The following NRG1 variants were observed in gnomAD, a reference collection of about 807,000 sequenced individuals.
The protein encoded by NRG1 is neuregulin 1, also known as pro-neuregulin-1, membrane-bound isoform.
In NRG1, 18 loss-of-function variants were observed where a neutral mutation model predicts 63.8. The observed-to-expected ratio is 0.28, with a 90% CI of 0.19 to 0.42. NRG1 has a LOEUF of 0.42. NRG1 is among the 10% of genes least tolerant of loss of function. NRG1 has a pLI of 1.00. For missense variants in NRG1, 762 were observed against 814.7 expected (o/e 0.94, Z 0.79); for synonymous variants, 302 against 301.3 (o/e 1.00, Z -0.02).
At chr8:32,205,733 T>A (rs573780015) in intron 1 of NRG1, among the ~76,000 whole-genome samples, 1 of 152,030 alleles carries the variant, frequency 6.6e-6, no homozygotes, top group African/African-American at 2.4e-5. Flanking sequence ...CCTGGGAGGG[T>A]AAGCATTTTC....
At chr8:32,036,160 A>G (rs1464360215) in intron 1 of NRG1, among the ~76,000 whole-genome samples, 1 of 152,152 alleles carries the variant, frequency 6.6e-6, no homozygotes, top group Non-Finnish European at 1.5e-5. Flanking sequence ...TGCTTATCTG[A>G]AAAGGATTTT....
chr8:32,509,000 G>A (rs2129499606), intron 1 of NRG1, among the ~76,000 whole-genome samples: 1 of 151,968 alleles, frequency 6.6e-6, no homozygotes, highest in South Asian at 2.1e-4. Flanking sequence ...CTCCCAAAGT[G>A]CTGGGATCAC....
At chr8:32,624,689 C>T (rs1848901747) in intron 5 of NRG1, among the ~76,000 whole-genome samples, 1 of 151,904 alleles carries the variant, frequency 6.6e-6, no homozygotes, top group Non-Finnish European at 1.5e-5. Context: ...TTAACAGTGC[C>T]CTCTTTTTAA....
chr8:32,197,208 C>T (rs568183478), intron 1 of NRG1, among the ~76,000 whole-genome samples: 85 of 151,914 alleles, frequency 5.6e-4, no homozygotes, highest in African/African-American at 1.3e-3. Context: ...GTGATCTGCC[C>T]GCCTCGGCCT....
At chr8:32,608,160 G>T (rs1845678043) in intron 3 of NRG1, among the ~76,000 whole-genome samples, 1 of 118,462 alleles carries the variant, frequency 8.4e-6, no homozygotes, top group Non-Finnish European at 1.7e-5. Context: ...ATCTGTATCT[G>T]AAATGTTTTT....
chr8:31,733,881 G>A (rs756283122), intron 1 of NRG1, among the ~76,000 whole-genome samples: 11 of 152,178 alleles, frequency 7.2e-5, no homozygotes, highest in Non-Finnish European at 1.3e-4. Context: ...CATTCCGAAA[G>A]ATATAAATTT....
At chr8:32,207,471 A>C (rs1304561320) in intron 1 of NRG1, among the ~76,000 whole-genome samples, 1 of 152,138 alleles carries the variant, frequency 6.6e-6, no homozygotes, top group Non-Finnish European at 1.5e-5. Flanking sequence ...TGCATAAAGG[A>C]TGACTTCCAT....
intron 5 of NRG1, among the ~76,000 whole-genome samples, chr8:32,694,349 T>G (rs544535999): frequency 1.3e-4 from 20 of 152,302 alleles, no homozygotes; most frequent in African/African-American, 4.3e-4. Context: ...CCAATTTAAG[T>G]GTGTTTTCCT....
intron 1 of NRG1, among the ~76,000 whole-genome samples, chr8:32,000,200 A>C (rs2129639559): frequency 6.6e-6 from 1 of 152,100 alleles, no homozygotes; most frequent in Non-Finnish European, 1.5e-5. Context: ...GTAATGATGT[A>C]GTGGTCTGGG....
intron 1 of NRG1, among the ~76,000 whole-genome samples, chr8:31,740,810 A>G (rs761459617): frequency 6.6e-6 from 1 of 152,008 alleles, no homozygotes; most frequent in Non-Finnish European, 1.5e-5. Flanking sequence ...AGTTAAGACA[A>G]GAACTCTGGG....
chr8:31,954,939 A>G (rs931174706), intron 1 of NRG1, among the ~76,000 whole-genome samples: 2 of 152,154 alleles, frequency 1.3e-5, no homozygotes, highest in African/African-American at 2.4e-5. Context: ...GAGGTTCTTT[A>G]TACTAAAGGA....
chr8:32,640,274 C>CACACACAT (rs1491127735), intron 5 of NRG1, among the ~76,000 whole-genome samples: 1 of 149,420 alleles, frequency 6.7e-6, no homozygotes, highest in East Asian at 2.0e-4. Flanking sequence ...CACACACACA[C>CACACACAT]GCACGCACAC....
chr8:31,746,403 G>A (rs950275927), intron 1 of NRG1, among the ~76,000 whole-genome samples: 2 of 151,958 alleles, frequency 1.3e-5, no homozygotes, highest in Non-Finnish European at 2.9e-5. Flanking sequence ...ATTAGACGAC[G>A]TTTTTCATCA....
chr8:32,559,137 A>AC (rs1436068823), intron 1 of NRG1, among the ~76,000 whole-genome samples: 1 of 147,834 alleles, frequency 6.8e-6, no homozygotes, highest in Admixed American at 6.9e-5. Context: ...CAATTTATTC[A>AC]CCCCCCAAAT....
At chr8:32,728,660 T>G (rs1295200940) in intron 6 of NRG1, 2 of 984,670 alleles carry the variant, frequency 2.0e-6, no homozygotes, top group Non-Finnish European at 1.2e-6. Context: ...GGAAATACAT[T>G]GTATGTAGCA....
At chr8:32,334,293 G>C (rs1802994153) in intron 1 of NRG1, among the ~76,000 whole-genome samples, 1 of 152,124 alleles carries the variant, frequency 6.6e-6, no homozygotes. Context: ...CATGAAAACT[G>C]TCTACTTATC....
At chr8:32,291,694 C>G (rs1586655646) in intron 1 of NRG1, among the ~76,000 whole-genome samples, 1 of 151,982 alleles carries the variant, frequency 6.6e-6, no homozygotes, top group Non-Finnish European at 1.5e-5. Flanking sequence ...AGGTGCACAC[C>G]ACCACTCCCG....
chr8:32,536,738 C>T (rs544348922), intron 1 of NRG1, among the ~76,000 whole-genome samples: 91 of 151,324 alleles, frequency 6.0e-4, no homozygotes, highest in African/African-American at 2.1e-3. Flanking sequence ...CTGGCTAACA[C>T]GGTGAAACCC....
At chr8:32,552,880 C>T (rs1834412631) in intron 1 of NRG1, among the ~76,000 whole-genome samples, 1 of 152,116 alleles carries the variant, frequency 6.6e-6, no homozygotes, top group African/African-American at 2.4e-5. Flanking sequence ...ACACTGAATA[C>T]CTACTACATG....
Sources: allele counts gnomAD v4.1 joint callset (sites outside exome capture counted in the v4.1 genomes callset), GRCh38; gene constraint gnomAD v4.1.1; transcripts MANE v1.5; gene names NCBI Gene and HGNC (gene_info 2026-07-23, HGNC 2026-07-21).